Variants in PLA2G6 observed in about 807,000 individuals in gnomAD.
PLA2G6 encodes the protein 85/88 kDa calcium-independent phospholipase A2.
PLA2G6 carries 62 observed loss-of-function variants against 83.8 expected under a neutral mutation model. That is an observed-to-expected ratio of 0.74 (90% CI 0.60 to 0.91). PLA2G6 has a LOEUF of 0.91. Ranked by LOEUF, PLA2G6 falls within the 40% of genes least tolerant of loss-of-function variation. The pLI, the probability that PLA2G6 is intolerant of heterozygous loss-of-function variation, is 0.00. For synonymous variants in PLA2G6, 417 were observed against 449.8 expected (o/e 0.93, Z 0.92); for missense variants, 944 against 1,102.0 (o/e 0.86, Z 2.03).
intron 1 of PLA2G6, among the ~76,000 whole-genome samples, chr22:38,177,003 C>T (rs1255731882): frequency 6.7e-6 from 1 of 148,978 alleles, no homozygotes; most frequent in Non-Finnish European, 1.5e-5. Context: ...CGAGATCATG[C>T]CACTGCACTA....
In PLA2G6 at chr22:38,117,892, C is replaced by G. The variant is rs1031466036; in HGVS notation, c.1743-1681G>C. Among the ~76,000 whole-genome samples the G allele has an allele frequency of 3.3e-5, 5 of 151,798 alleles. No individual in the cohort carries two copies. The South Asian group carries it at 6.3e-4, about 19-fold the overall frequency. On this transcript the variant is annotated intron_variant, in intron 12 of 16. Coordinates refer to ENST00000332509, the MANE Select transcript of PLA2G6 (RefSeq NM_003560.4). ...CTCTACTAAAATACAAAAAATTAGCCGGGCATGGTGGTGCACGCCTATAAT... is the reference window on the plus strand; with the variant it reads ...CTCTACTAAAATACAAAAAATTAGCGGGGCATGGTGGTGCACGCCTATAAT...
chr22:38,170,606 A>C (rs1455064748), intron 1 of PLA2G6, among the ~76,000 whole-genome samples: 1 of 152,212 alleles, frequency 6.6e-6, no homozygotes, highest in African/African-American at 2.4e-5. Context: ...CCCAGAAAAT[A>C]CACTGCCTTC....
intron 2 of PLA2G6, 63 bp downstream of exon 2, chr22:38,169,155 C>A: frequency 7.7e-7 from 1 of 1,291,678 alleles, no homozygotes; most frequent in South Asian, 1.2e-5. Context: ...GCCAATAAGA[C>A]CTCCAATCCG....
intron 2 of PLA2G6, among the ~76,000 whole-genome samples, chr22:38,151,479 G>A (rs2089557109): frequency 6.6e-6 from 1 of 152,120 alleles, no homozygotes; most frequent in South Asian, 2.1e-4. Context: ...GGGCTCAAGC[G>A]ATCCTCCCGC....
intron 2 of PLA2G6, among the ~76,000 whole-genome samples, chr22:38,161,098 T>C (rs2145895501): frequency 6.6e-6 from 1 of 152,204 alleles, no homozygotes; most frequent in South Asian, 2.1e-4. Context: ...AAGCAGTCTC[T>C]GGAGGAAAAA....
intron 2 of PLA2G6, among the ~76,000 whole-genome samples, chr22:38,161,616 C>T (rs1453300367): frequency 6.6e-6 from 1 of 152,122 alleles, no homozygotes; most frequent in East Asian, 1.9e-4. Flanking sequence ...GAGATGATGG[C>T]CTTGAATGGG....
intron 2 of PLA2G6, chr22:38,168,140 C>T (rs910816489): frequency 6.4e-6 from 1 of 156,892 alleles, no homozygotes; most frequent in African/African-American, 2.4e-5. Flanking sequence ...CACCGGACCT[C>T]CCCCACCAGA....
chr22:38,159,308 C>T (rs903823334), intron 2 of PLA2G6, among the ~76,000 whole-genome samples: 19 of 152,026 alleles, frequency 1.2e-4, no homozygotes, highest in African/African-American at 4.6e-4. Context: ...ATACCCAAAC[C>T]GACATGAGAT....
rs587784342 is a variant in PLA2G6, at chr22:38,113,623, A to C, written c.2066T>G (p.Ile689Ser). The C allele has an allele frequency of 1.9e-6, 3 of 1,613,812 alleles. No homozygotes were observed. In the African/African-American group the frequency reaches 4.0e-5, roughly 22 times the overall value. The change falls in exon 15 of 17, where the codon ATC (isoleucine) becomes AGC (serine). Residue 689 changes from isoleucine (I) to serine (S), a missense_variant. Coordinates refer to ENST00000332509, the MANE Select transcript of PLA2G6 (RefSeq NM_003560.4). ...GQANKVKKLS[I>S]VVSLGTGRSP... The stretch of plus-strand genomic sequence containing the variant: ...CCTCCCTGTCCCCAGGGAGACAACG[A>C]TGGAGAGTTTCTTCACCTTGTTGGC...
chr22:38,135,889 C>T (rs894072995), intron 5 of PLA2G6: 1 of 152,048 alleles, frequency 6.6e-6, no homozygotes, highest in African/African-American at 2.4e-5. Context: ...ATTTGCAGAC[C>T]CATGTACACA....
At position 38,115,580 on chromosome 22, in the gene PLA2G6, TG is replaced by T; in HGVS notation, c.1980del (p.Thr661ArgfsTer5). The part of the protein sequence containing the change: ...FLDGGLLANN[P>X]TLDAMTEIHE... ...TGGATCTCGGTCATGGCATCCAGCG[TG>T]GGGTTGTTGGCCAGCAGCCCACCGT... On this transcript the variant is annotated frameshift_variant, in exon 14 of 17. Transcript: ENST00000332509. LOFTEE classifies it high-confidence loss of function. The T allele has an allele frequency of 1.2e-6, 2 of 1,613,490 alleles. No homozygotes were observed. The highest frequency in any genetic ancestry group is 1.7e-6 in the Non-Finnish European group (2 of 1,179,906).
rs185065173 is a variant in PLA2G6 at position 38,156,987 on chromosome 22, G to A, written c.210-11334C>T. ...TGAGATACAGGGAAAGAAGTACTAA[G>A]AGGAAAGTTGTACCTATAAGCACCT... is the stretch of plus-strand genomic sequence containing the variant. On this transcript the variant is annotated intron_variant, in intron 2 of 16. Coordinates refer to ENST00000332509, the MANE Select transcript of PLA2G6 (RefSeq NM_003560.4). 7.2e-5 allele frequency among the ~76,000 whole-genome samples: 11 copies of A among 152,220 alleles called. No individual in the cohort carries two copies. The East Asian group carries it at 1.7e-3, about 24-fold the overall frequency.
intron 1 of PLA2G6, among the ~76,000 whole-genome samples, chr22:38,173,580 G>A (rs1375398703): frequency 1.3e-5 from 2 of 152,116 alleles, no homozygotes; most frequent in Admixed American, 6.5e-5. Context: ...CCCATCCTCT[G>A]TCAAAACCAA....
chr22:38,174,737 C>T (rs118098692), intron 1 of PLA2G6, among the ~76,000 whole-genome samples: 378 of 152,254 alleles, frequency 2.5e-3, no homozygotes, highest in Non-Finnish European at 3.3e-3. Context: ...CACCCATGAA[C>T]GGTGAGCATT....
In PLA2G6 at chr22:38,145,585, G is replaced by A; in HGVS notation, c.278C>T (p.Pro93Leu). 1 of 1,613,884 alleles carries A rather than the reference G, an allele frequency of 6.2e-7. No individual in the cohort carries two copies. The highest frequency in any genetic ancestry group is 8.5e-7 in the Non-Finnish European group (1 of 1,179,904). The change falls in exon 3 of 17, where the codon CCC becomes CTC. Residue 93 changes from proline to leucine, a missense_variant. By Grantham distance (98) the Pro-to-Leu change is moderately conservative. Transcript: ENST00000332509. ...NFHQYSSQLLPFYESSPQVLH... is the reference protein window; with the variant it reads ...NFHQYSSQLLLFYESSPQVLH... Reference sequence around the variant, plus strand: ...GACCTGAGGGGAGCTCTCATAGAAGGGTAGCAGCTGGGAAGAATACTGATG... The same window carrying A: ...GACCTGAGGGGAGCTCTCATAGAAGAGTAGCAGCTGGGAAGAATACTGATG...
intron 1 of PLA2G6, among the ~76,000 whole-genome samples, chr22:38,176,104 C>T (rs1205720072): frequency 6.6e-6 from 1 of 152,180 alleles, no homozygotes; most frequent in Non-Finnish European, 1.5e-5. Context: ...GCTCCTCCAC[C>T]GGGAGAACCT....
At chr22:38,122,958 G>A (rs1428790995) in intron 11 of PLA2G6, 137 bp downstream of exon 11, 7 of 694,066 alleles carry the variant, frequency 1.0e-5, no homozygotes, top group Admixed American at 4.8e-5. Context: ...CTGCAGCCCC[G>A]CCCCTGCCTC....
At position 38,145,467 on chromosome 22, in the gene PLA2G6, G is replaced by A. The variant is rs146252218; in HGVS notation, c.396C>T (p.Arg132=). The A allele has an allele frequency of 2.5e-4, 401 of 1,610,690 alleles. No individual in the cohort carries two copies. The highest frequency in any genetic ancestry group is 2.0e-3 in the Middle Eastern group (11 of 5,558). The change falls in exon 3 of 17, where the codon CGC becomes CGT. Residue 132 remains arginine, a synonymous_variant. Coordinates refer to ENST00000332509, the MANE Select transcript of PLA2G6 (RefSeq NM_003560.4). ...TGATACGGCTGTGATGGAAGCACTC[G>A]CGGATCCCTAGCTCCACAGCCAGGT... ...VAHLAVELGI[R]ECFHHSRIIS...
At chr22:38,158,418 G>A (rs752351153) in intron 2 of PLA2G6, among the ~76,000 whole-genome samples, 8 of 152,116 alleles carry the variant, frequency 5.3e-5, no homozygotes, top group Non-Finnish European at 1.2e-4. Context: ...TGATCCACCC[G>A]CCTTGGCCTC....
Sources: allele counts gnomAD v4.1 joint callset (sites outside exome capture counted in the v4.1 genomes callset), GRCh38; gene constraint gnomAD v4.1.1; transcripts MANE v1.5; gene names NCBI Gene and HGNC (gene_info 2026-07-23, HGNC 2026-07-21).